Variants in ALKBH8 observed in about 807,000 individuals in gnomAD.
ALKBH8 encodes the protein alkB homolog 8, tRNA methyltransferase, also known as tRNA (carboxymethyluridine(34)-5-O)-methyltransferase ALKBH8.
ALKBH8 carries 36 observed loss-of-function variants against 59.8 expected under a neutral mutation model. The ratio of observed to expected loss-of-function variants is 0.60; its 90% confidence interval spans 0.46 to 0.79. The LOEUF is 0.79. Ranked by LOEUF, ALKBH8 falls within the 30% of genes least tolerant of loss-of-function variation. ALKBH8 has a pLI of 0.00. For synonymous variants in ALKBH8, 276 were observed against 273.6 expected, an observed-to-expected ratio of 1.01 and a Z score of -0.09; for missense variants, 768 against 801.0, an observed-to-expected ratio of 0.96 and a Z score of 0.50.
At chr11:107,534,618 A>G (rs1310812414) in intron 7 of ALKBH8, among the ~76,000 whole-genome samples, 1 of 152,234 alleles carries the variant, frequency 6.6e-6, no homozygotes, top group Non-Finnish European at 1.5e-5. Flanking sequence ...TAGAACTCAC[A>G]AGAGATATAT....
intron 6 of ALKBH8, among the ~76,000 whole-genome samples, chr11:107,551,255 C>T (rs1864477957): frequency 6.6e-6 from 1 of 152,158 alleles, no homozygotes; most frequent in South Asian, 2.1e-4. Flanking sequence ...CAAAAAAAAT[C>T]ACAAACAGTG....
chr11:107,513,825 TA>T (rs1178556408), intron 10 of ALKBH8, among the ~76,000 whole-genome samples: 2 of 152,052 alleles, frequency 1.3e-5, no homozygotes, highest in Admixed American at 1.3e-4. Flanking sequence ...CACGTATAAG[TA>T]AGAGCTAAAT....
chr11:107,537,944 A>T (rs1863888795), intron 7 of ALKBH8, among the ~76,000 whole-genome samples: 1 of 152,056 alleles, frequency 6.6e-6, no homozygotes, highest in African/African-American at 2.4e-5. Context: ...TTTCTGGTCC[A>T]TTTTCCTATG....
intron 10 of ALKBH8, among the ~76,000 whole-genome samples, chr11:107,511,966 G>T (rs777979105): frequency 4.6e-5 from 7 of 152,092 alleles, no homozygotes; most frequent in African/African-American, 1.2e-4. Context: ...TTTATAAAAT[G>T]ATATTTAATT....
intron 7 of ALKBH8, among the ~76,000 whole-genome samples, chr11:107,536,560 C>G (rs1036188105): frequency 6.6e-6 from 1 of 152,174 alleles, no homozygotes; most frequent in African/African-American, 2.4e-5. Flanking sequence ...CAACTCCCCC[C>G]AGTCCCATTT....
At chr11:107,555,583 A>C (rs1249484146) in intron 3 of ALKBH8, among the ~76,000 whole-genome samples, 4 of 152,242 alleles carry the variant, frequency 2.6e-5, no homozygotes, top group Non-Finnish European at 5.9e-5. Context: ...TTAAAATTAA[A>C]TGCATATGAG....
chr11:107,558,936 C>T (rs1303184005), intron 2 of ALKBH8, among the ~76,000 whole-genome samples: 2 of 152,080 alleles, frequency 1.3e-5, no homozygotes, highest in Non-Finnish European at 2.9e-5. Flanking sequence ...TATGGTTTGG[C>T]GTGTCCCCAC....
At chr11:107,521,982 G>A (rs1863130395) in intron 10 of ALKBH8, among the ~76,000 whole-genome samples, 1 of 151,896 alleles carries the variant, frequency 6.6e-6, no homozygotes, top group African/African-American at 2.4e-5. Flanking sequence ...TCATACTTAG[G>A]GGGATCCAAG....
intron 8 of ALKBH8, among the ~76,000 whole-genome samples, chr11:107,526,178 G>T (rs1019493653): frequency 1.3e-5 from 2 of 151,926 alleles, no homozygotes; most frequent in Non-Finnish European, 2.9e-5. Flanking sequence ...GGGTCATAAG[G>T]TAAGAAACTT....
At chr11:107,543,847 C>T (rs1864143413) in intron 7 of ALKBH8, among the ~76,000 whole-genome samples, 1 of 151,962 alleles carries the variant, frequency 6.6e-6, no homozygotes, top group South Asian at 2.1e-4. Flanking sequence ...TAAAACCCCA[C>T]ATTCAGATGG....
Position 107,505,176 on chromosome 11 carries a change from G to A in ALKBH8, c.1477C>T (p.Leu493=). Residue 493 remains leucine (L), a synonymous_variant, in exon 12 of 12, where the codon CTG becomes TTG. Transcript: ENST00000428149. ...ATGAGTGCCTTCCCACCTGGTCTCA[G>A]GAGTCGAACAATTTCTTGGAGAGCT... ...VAALQEIVRL[L]RPGGKALIYV... is the part of the protein sequence containing the mutation. The A allele has an allele frequency of 1.3e-6, 2 of 1,549,138 alleles. No individual in the cohort carries two copies. Among genetic ancestry groups the A allele is most frequent in the Non-Finnish European group, 1.7e-6 (2 of 1,145,674 alleles).
chr11:107,543,919 T>C (rs1027734147), intron 7 of ALKBH8, among the ~76,000 whole-genome samples: 4 of 152,232 alleles, frequency 2.6e-5, no homozygotes, highest in African/African-American at 9.6e-5. Context: ...CAAAGCAGAC[T>C]GTGGCCCCTC....
At chr11:107,553,006 T>G in intron 5 of ALKBH8, 102 bp downstream of exon 5, 1 of 700,114 alleles carries the variant, frequency 1.4e-6, no homozygotes. Flanking sequence ...TCAGAAAGTT[T>G]ATCTACAAAT....
intron 2 of ALKBH8, among the ~76,000 whole-genome samples, chr11:107,559,313 C>T (rs964230068): frequency 6.6e-6 from 1 of 152,182 alleles, no homozygotes; most frequent in African/African-American, 2.4e-5. Flanking sequence ...TTGCTCTCCC[C>T]TGGAAAGATA....
chr11:107,525,415 C>A, intron 9 of ALKBH8, 26 bp downstream of exon 9: 1 of 1,508,008 alleles, frequency 6.6e-7, no homozygotes, highest in South Asian at 1.3e-5. Context: ...CTCCATTTTA[C>A]AGACGAGATA....
At chr11:107,550,953 GTTGT>G (rs1864465971) in intron 6 of ALKBH8, among the ~76,000 whole-genome samples, 1 of 152,092 alleles carries the variant, frequency 6.6e-6, no homozygotes. Context: ...ATACATTTCT[GTTGT>G]TTAAGCCAAA....
intron 3 of ALKBH8, among the ~76,000 whole-genome samples, chr11:107,555,008 C>G (rs1864646440): frequency 6.6e-6 from 1 of 152,210 alleles, no homozygotes; most frequent in South Asian, 2.1e-4. Context: ...ACTTATAATC[C>G]CAGCACTTTG....
intron 1 of ALKBH8, among the ~76,000 whole-genome samples, chr11:107,564,559 G>A (rs1192546921): frequency 6.6e-6 from 1 of 152,092 alleles, no homozygotes; most frequent in African/African-American, 2.4e-5. Context: ...AAAATGGATC[G>A]ATGAGTAAAG....
At chr11:107,517,270 G>C (rs566671346) in intron 10 of ALKBH8, among the ~76,000 whole-genome samples, 6 of 152,092 alleles carry the variant, frequency 3.9e-5, no homozygotes, top group African/African-American at 9.7e-5. Context: ...GATAACAAAC[G>C]GCGTTGAGGA....
Sources: allele counts gnomAD v4.1 joint callset (sites outside exome capture counted in the v4.1 genomes callset), GRCh38; gene constraint gnomAD v4.1.1; transcripts MANE v1.5; gene names NCBI Gene and HGNC (gene_info 2026-07-23, HGNC 2026-07-21).